RAB3C: variants seen among roughly 807,000 people sequenced by gnomAD.
The protein encoded by RAB3C is RAB3C, member RAS oncogene family.
In RAB3C, 17 loss-of-function variants were observed where a neutral mutation model predicts 26.4. The ratio of observed to expected loss-of-function variants is 0.64; its 90% CI spans 0.44 to 0.97. The LOEUF (loss-of-function observed/expected upper bound fraction) is 0.97. Among genes scored for constraint, RAB3C ranks in the 50% least tolerant of loss-of-function variants. The pLI is 0.00. For synonymous variants in RAB3C, 91 were observed against 95.9 expected (o/e 0.95, Z 0.30); for missense variants, 242 against 281.9 (o/e 0.86, Z 1.01).
rs372765634 is a variant in RAB3C at position 58,787,878 on chromosome 5, C to T, written c.372-37160C>T. 3.4e-4 allele frequency among the ~76,000 whole-genome samples: 52 copies of T among 152,260 alleles called. No individual in the cohort carries two copies. In the South Asian group the frequency reaches 8.7e-3, roughly 26 times the overall value. ...CTGTCCTAACTCCTTTTCCTGGGTG[C>T]GGAACACTCCCCTCCCTCCACTGTT... On this transcript the variant is annotated intron_variant, in intron 3 of 4. Transcript: ENST00000282878.
chr5:58,763,377 T>C (rs1040461310), intron 3 of RAB3C, among the ~76,000 whole-genome samples: 1 of 152,232 alleles, frequency 6.6e-6, no homozygotes, highest in African/African-American at 2.4e-5. Context: ...TTACATGTTC[T>C]CTAAGCTTCT....
At chr5:58,674,420 T>C (rs544875320) in intron 2 of RAB3C, among the ~76,000 whole-genome samples, 1 of 152,228 alleles carries the variant, frequency 6.6e-6, no homozygotes, top group African/African-American at 2.4e-5. Flanking sequence ...TATGGTGGGA[T>C]ATAAACCAAC....
At chr5:58,814,157 C>CA (rs1561139687) in intron 3 of RAB3C, among the ~76,000 whole-genome samples, 1 of 152,188 alleles carries the variant, frequency 6.6e-6, no homozygotes, top group African/African-American at 2.4e-5. Flanking sequence ...TCCTGGTCTT[C>CA]AAAAGGCCCG....
chr5:58,588,530 C>G (rs1024743918), intron 1 of RAB3C, among the ~76,000 whole-genome samples: 1 of 151,976 alleles, frequency 6.6e-6, no homozygotes, highest in African/African-American at 2.4e-5. Flanking sequence ...GGGTTTTAAC[C>G]TTTTATGCAT....
intron 2 of RAB3C, among the ~76,000 whole-genome samples, chr5:58,718,014 G>A (rs1450443550): frequency 7.2e-5 from 11 of 152,030 alleles, no homozygotes; most frequent in Non-Finnish European, 1.2e-4. Context: ...CCTTTAAAAC[G>A]CAATGCATTT....
chr5:58,671,343 C>CAGTT (rs1374855489), intron 2 of RAB3C, among the ~76,000 whole-genome samples: 1 of 152,156 alleles, frequency 6.6e-6, no homozygotes, highest in Non-Finnish European at 1.5e-5. Context: ...CAAGGTCATA[C>CAGTT]AGTTGGCAAG....
intron 3 of RAB3C, among the ~76,000 whole-genome samples, chr5:58,805,480 G>A (rs1361993901): frequency 6.6e-6 from 1 of 151,802 alleles, no homozygotes; most frequent in Non-Finnish European, 1.5e-5. Context: ...ATCTACACAG[G>A]GGGCTGAAGC....
rs1743442413 is a variant in RAB3C, at chr5:58,825,076, AAGTTATTC to A, written c.411_418del (p.Gln137HisfsTer7). The stretch of plus-strand genomic sequence containing the variant: ...AAAACATACTCTTGGGACAATGCCC[AAGTTATTC>A]TGGTTGGGAACAAGTGTGACATGGA... On this transcript the variant is annotated frameshift_variant, in exon 4 of 5. Transcript: ENST00000282878. LOFTEE classifies it high-confidence loss of function. 6.2e-7 allele frequency: 1 copy of A among 1,613,326 alleles called. No homozygotes were observed. The highest frequency in any genetic ancestry group is 8.5e-7 in the Non-Finnish European group (1 of 1,179,580).
At chr5:58,838,108 G>A (rs565562879) in intron 4 of RAB3C, among the ~76,000 whole-genome samples, 10 of 151,906 alleles carry the variant, frequency 6.6e-5, no homozygotes, top group African/African-American at 1.9e-4. Context: ...GGCCAGGTGC[G>A]GTGGGCTCAC....
chr5:58,821,876 C>CTT (rs1219516762), intron 3 of RAB3C, among the ~76,000 whole-genome samples: 1 of 152,150 alleles, frequency 6.6e-6, no homozygotes, highest in Non-Finnish European at 1.5e-5. Flanking sequence ...ATAATATTTG[C>CTT]TTTTTATTCC....
At chr5:58,614,786 G>A (rs1746790503) in intron 1 of RAB3C, among the ~76,000 whole-genome samples, 1 of 152,052 alleles carries the variant, frequency 6.6e-6, no homozygotes, top group Non-Finnish European at 1.5e-5. Flanking sequence ...ATATACATGA[G>A]CTCCCGTGTG....
At chr5:58,764,189 G>A (rs1436501141) in intron 3 of RAB3C, among the ~76,000 whole-genome samples, 1 of 152,148 alleles carries the variant, frequency 6.6e-6, no homozygotes, top group East Asian at 1.9e-4. Context: ...GACAATTTCA[G>A]TTACTCTTTT....
rs541600877 is a variant in RAB3C at position 58,761,110 on chromosome 5, C to CATAT, written c.371+34992_371+34995dup. On this transcript the variant is annotated intron_variant, in intron 3 of 4. Coordinates refer to ENST00000282878, the MANE Select transcript of RAB3C (RefSeq NM_138453.4). ...ACACAGCACAAACCATTTAGAAGAC[C>CATAT]ATATACCACATTGTTTACTGTGGAT... Among the ~76,000 whole-genome samples, 50 of 148,554 alleles carry CATAT rather than the reference C, an allele frequency of 3.4e-4. No homozygotes were observed. The East Asian group carries it at 9.1e-3, about 27-fold the overall frequency.
intron 2 of RAB3C, among the ~76,000 whole-genome samples, chr5:58,643,509 T>C (rs1747454367): frequency 6.6e-6 from 1 of 152,138 alleles, no homozygotes; most frequent in South Asian, 2.1e-4. Context: ...TTTAATTATG[T>C]TTAGAAGTTG....
intron 2 of RAB3C, among the ~76,000 whole-genome samples, chr5:58,648,210 T>TG (rs549525793): frequency 0.088 from 13,329 of 152,160 alleles, 658 homozygotes; most frequent in East Asian, 0.18. Flanking sequence ...AGACCCCAGG[T>TG]TGGCCTCCCT....
At chr5:58,808,233 A>G (rs926380246) in intron 3 of RAB3C, among the ~76,000 whole-genome samples, 3 of 151,926 alleles carry the variant, frequency 2.0e-5, no homozygotes, top group Non-Finnish European at 2.9e-5. Context: ...TCAAAAAAAA[A>G]AAAAAAAAAG....
intron 1 of RAB3C, among the ~76,000 whole-genome samples, chr5:58,602,072 A>G (rs1437531477): frequency 1.3e-5 from 2 of 152,006 alleles, no homozygotes; most frequent in South Asian, 2.1e-4. Flanking sequence ...CAGTTCAAAG[A>G]ATTTTTAAAT....
chr5:58,665,525 T>C (rs1175611921), intron 2 of RAB3C, among the ~76,000 whole-genome samples: 1 of 152,176 alleles, frequency 6.6e-6, no homozygotes, highest in African/African-American at 2.4e-5. Flanking sequence ...AGAAGACTAT[T>C]TATTAGTACC....
At chr5:58,746,890 T>C (rs184727865) in intron 3 of RAB3C, among the ~76,000 whole-genome samples, 2 of 152,360 alleles carry the variant, frequency 1.3e-5, no homozygotes, top group East Asian at 3.9e-4. Flanking sequence ...AAGAAAATTG[T>C]TTGATTGGTT....
Sources: allele counts gnomAD v4.1 joint callset (sites outside exome capture counted in the v4.1 genomes callset), GRCh38; gene constraint gnomAD v4.1.1; transcripts MANE v1.5; gene names NCBI Gene and HGNC (gene_info 2026-07-23, HGNC 2026-07-21).